SHB: variants seen among roughly 807,000 people sequenced by gnomAD.
SHB encodes SH2 domain containing adaptor protein B, also known as SH2 domain-containing adapter protein B.
In SHB, 20 loss-of-function variants were observed where a neutral mutation model predicts 52.3. The observed-to-expected ratio is 0.38, with a 90% CI of 0.27 to 0.56. The LOEUF (loss-of-function observed/expected upper bound fraction) is 0.56, where lower values mean the gene tolerates loss of function less well. Among genes scored for constraint, SHB ranks in the 20% least tolerant of loss-of-function variants. The pLI is 0.71. For missense variants in SHB, 825 were observed against 723.3 expected, an observed-to-expected ratio of 1.14 and a Z score of -1.61; for synonymous variants, 397 against 316.5, an observed-to-expected ratio of 1.25 and a Z score of -2.70.
chr9:37,919,805 G>C lies in SHB; in HGVS notation c.*16C>G, dbSNP rs1160081124. 1 of 1,609,226 alleles carries C rather than the reference G, an allele frequency of 6.2e-7. No homozygotes were observed. Among genetic ancestry groups the C allele is most frequent in the Admixed American group, 1.7e-5 (1 of 60,000 alleles). On this transcript the variant is annotated 3_prime_UTR_variant, in exon 6 of 6. Transcript: ENST00000377707. Reference sequence around the variant, plus strand: ...AGTCTCAGGCTCTGTCACAGAGCAGGGCAGGTCTGGTCCGCTCACAGGGTC... The same window carrying C: ...AGTCTCAGGCTCTGTCACAGAGCAGCGCAGGTCTGGTCCGCTCACAGGGTC...
intron 1 of SHB, among the ~76,000 whole-genome samples, chr9:38,039,095 G>T (rs565512065): frequency 6.6e-6 from 1 of 152,174 alleles, no homozygotes; most frequent in African/African-American, 2.4e-5. Flanking sequence ...AAAAGGGGTC[G>T]CCAGAGAACA....
At chr9:37,935,477 T>C (rs1297210006) in intron 5 of SHB, among the ~76,000 whole-genome samples, 3 of 152,088 alleles carry the variant, frequency 2.0e-5, no homozygotes, top group African/African-American at 4.8e-5. Context: ...GGCTGGGATG[T>C]AGAGCACTGC....
chr9:37,930,233 C>CT (rs1832297537), intron 5 of SHB, among the ~76,000 whole-genome samples: 1 of 152,232 alleles, frequency 6.6e-6, no homozygotes, highest in Non-Finnish European at 1.5e-5. Flanking sequence ...ACCAGATACT[C>CT]TGAGATCATT....
In SHB at chr9:37,955,986, G is replaced by C; in HGVS notation, c.1123C>G (p.Arg375Gly). Residue 375 changes from arginine to glycine, a missense_variant, in exon 4 of 6, where the codon CGT becomes GGT. By Grantham distance (125) the Arg-to-Gly change is moderately radical (BLOSUM62 -2). Transcript: ENST00000377707. ...SPSRDRRRQL[R>G]APGGGFKPIK... is the part of the protein sequence containing the mutation. The stretch of plus-strand genomic sequence containing the variant: ...GGCTTAAAGCCCCCTCCAGGGGCAC[G>C]AAGCTGGCGCCGCCGGTCCCGCGAA... The C allele has an allele frequency of 1.9e-6, 3 of 1,602,142 alleles. No homozygotes were observed. The highest frequency in any genetic ancestry group is 1.7e-6 in the Non-Finnish European group (2 of 1,175,104).
chr9:38,049,424 C>T (rs1740001295), intron 1 of SHB, among the ~76,000 whole-genome samples: 1 of 152,038 alleles, frequency 6.6e-6, no homozygotes, highest in Admixed American at 6.5e-5. Flanking sequence ...GCCTAGCCAA[C>T]ATGGCAAAAG....
At chr9:38,047,632 A>AAAAAGC (rs1821675102) in intron 1 of SHB, among the ~76,000 whole-genome samples, 1 of 152,274 alleles carries the variant, frequency 6.6e-6, no homozygotes, top group South Asian at 2.1e-4. Context: ...GCAGCAGATC[A>AAAAAGC]AAAAGCAGGT....
intron 2 of SHB, among the ~76,000 whole-genome samples, chr9:38,006,893 T>C (rs1821082233): frequency 1.3e-5 from 2 of 152,166 alleles, no homozygotes; most frequent in Admixed American, 6.5e-5. Flanking sequence ...CCATCCTTCC[T>C]ACTGAAGGTG....
chr9:38,068,173 G>C lies in SHB; in HGVS notation c.473C>G (p.Ser158Cys). 7.0e-7 allele frequency: 1 copy of C among 1,432,698 alleles called. No individual in the cohort carries two copies. Among genetic ancestry groups the C allele is most frequent in the Admixed American group, 3.2e-5 (1 of 30,936 alleles). 88.7% of individuals were successfully genotyped at this position (1,432,698 alleles called of 1,614,324 possible). The change falls in exon 1 of 6, where the codon TCT (serine) becomes TGT (cysteine). Residue 158 changes from serine (S) to cysteine (C), a missense_variant. Ser to Cys is a moderately radical substitution (Grantham distance 112). Transcript: ENST00000377707. The part of the protein sequence containing the change: ...AAASSSSSSG[S>C]PHLYRSSSER... ...GCTGCTGCTGCGGTAGAGATGCGGAGAGCCGGAGGACGAGGACGAGGACGC... is the reference window on the plus strand; with the variant it reads ...GCTGCTGCTGCGGTAGAGATGCGGACAGCCGGAGGACGAGGACGAGGACGC...
chr9:38,010,486 C>T (rs1241976371), intron 2 of SHB, among the ~76,000 whole-genome samples: 1 of 152,212 alleles, frequency 6.6e-6, no homozygotes, highest in African/African-American at 2.4e-5. Flanking sequence ...CATCAAAAGC[C>T]TCATCTCCAG....
chr9:37,996,617 G>C (rs1820949303), intron 2 of SHB, among the ~76,000 whole-genome samples: 1 of 152,220 alleles, frequency 6.6e-6, no homozygotes, highest in Admixed American at 6.5e-5. Flanking sequence ...AGTGTCCACT[G>C]ATGTGCTGGC....
chr9:38,048,361 G>A (rs570088913), intron 1 of SHB, among the ~76,000 whole-genome samples: 48 of 152,188 alleles, frequency 3.2e-4, no homozygotes, highest in African/African-American at 1.2e-3. Context: ...TATTACTTCT[G>A]GCCAGTTGCA....
At chr9:38,046,209 T>C (rs779517206) in intron 1 of SHB, among the ~76,000 whole-genome samples, 9 of 152,154 alleles carry the variant, frequency 5.9e-5, no homozygotes, top group Middle Eastern at 3.4e-3. Context: ...AGGCACCTAA[T>C]GTTTTCAGCC....
chr9:38,057,616 T>C (rs934036331), intron 1 of SHB, among the ~76,000 whole-genome samples: 2 of 152,218 alleles, frequency 1.3e-5, no homozygotes, highest in African/African-American at 4.8e-5. Flanking sequence ...CAGTCCCCGA[T>C]CACATGTGTG....
At chr9:38,059,654 C>T in intron 1 of SHB, among the ~76,000 whole-genome samples, 1 of 152,178 alleles carries the variant, frequency 6.6e-6, no homozygotes, top group East Asian at 1.9e-4. Flanking sequence ...CAAAGTGTTT[C>T]AGAATCAAAA....
intron 2 of SHB, among the ~76,000 whole-genome samples, chr9:37,982,973 G>GCCCCCCCCCC (rs58267859): frequency 6.9e-6 from 1 of 145,206 alleles, no homozygotes; most frequent in African/African-American, 2.6e-5. Context: ...CCTCTCTGGT[G>GCCCCCCCCCC]CCCCCCCCTC....
intron 3 of SHB, among the ~76,000 whole-genome samples, chr9:37,967,345 C>T (rs1820538830): frequency 6.6e-6 from 1 of 152,166 alleles, no homozygotes; most frequent in South Asian, 2.1e-4. Flanking sequence ...CCTTACTTTC[C>T]CTTTTAGCCT....
chr9:37,955,296 C>T (rs1832615743), intron 4 of SHB, among the ~76,000 whole-genome samples: 1 of 152,124 alleles, frequency 6.6e-6, no homozygotes, highest in African/African-American at 2.4e-5. Context: ...GGTGGCAACA[C>T]AGTGTGGAGA....
chr9:38,068,504 A>AGGCCTGCGGCAC lies in SHB; in HGVS notation c.130_141dup (p.Val44_Ala47dup). On this transcript the variant is annotated inframe_insertion, in exon 1 of 6. Coordinates refer to ENST00000377707, the MANE Select transcript of SHB (RefSeq NM_003028.3). ...CCGCAGGACGCCGAGGCGGCGGAGG[A>AGGCCTGCGGCAC]GGCCTGCGGCACGGCCTGGGGGGGC... 1 of 1,488,694 alleles carries AGGCCTGCGGCAC rather than the reference A, an allele frequency of 6.7e-7. No individual in the cohort carries two copies. The highest frequency in any genetic ancestry group is 8.9e-7 in the Non-Finnish European group (1 of 1,126,372). The allele number at this position is 1,488,694 out of a possible 1,614,324, so 92.2% of individuals were successfully genotyped here.
intron 3 of SHB, among the ~76,000 whole-genome samples, chr9:37,966,636 G>T (rs2117945687): frequency 6.6e-6 from 1 of 152,236 alleles, no homozygotes; most frequent in Non-Finnish European, 1.5e-5. Flanking sequence ...TTCCTCACAG[G>T]CTCAAGGCAT....
Sources: gnomAD v4.1 joint callset for allele counts (sites outside exome capture counted in the v4.1 genomes callset) on GRCh38, gnomAD v4.1.1 for gene constraint, MANE v1.5 for transcripts, NCBI Gene and HGNC (gene_info 2026-07-23, HGNC 2026-07-21) for gene names.